Variants in PLEKHA3 observed in about 807,000 individuals in gnomAD.
The protein encoded by PLEKHA3 is pleckstrin homology domain containing A3, also known as pleckstrin homology domain-containing family A member 3.
Under a neutral mutation model 39.2 loss-of-function variants are expected in PLEKHA3, and 19 were observed. The ratio of observed to expected loss-of-function variants is 0.48; its 90% CI spans 0.34 to 0.71. PLEKHA3 has a LOEUF of 0.71. Among genes scored for constraint, PLEKHA3 ranks in the 30% least tolerant of loss-of-function variants. PLEKHA3 has a pLI of 0.01. For missense variants in PLEKHA3, 253 were observed against 359.5 expected, an observed-to-expected ratio of 0.70 and a Z score of 2.40; for synonymous variants, 97 against 118.6, an observed-to-expected ratio of 0.82 and a Z score of 1.18.
chr2:178,506,347 C>A lies in PLEKHA3; in HGVS notation c.*2460C>A, dbSNP rs1057078062. 1 of 152,112 alleles carries A rather than the reference C, an allele frequency of 6.6e-6. No individual in the cohort carries two copies. Among genetic ancestry groups the A allele is most frequent in the African/African-American group, 2.4e-5 (1 of 41,408 alleles). The allele number at this position is 152,112 out of a possible 1,614,324, so 9.4% of individuals were successfully genotyped here. On this transcript the variant is annotated 3_prime_UTR_variant, in exon 8 of 8. Coordinates refer to ENST00000234453, the MANE Select transcript of PLEKHA3 (RefSeq NM_019091.4). ...TGCTTGCTCACTATTCTTTGGGAATCGCAGGCCTCCATGACTAAAGGGATT... is the reference window on the plus strand; with the variant it reads ...TGCTTGCTCACTATTCTTTGGGAATAGCAGGCCTCCATGACTAAAGGGATT...
chr2:178,496,863 A>G (rs1017304227), intron 5 of PLEKHA3, among the ~76,000 whole-genome samples: 17 of 152,118 alleles, frequency 1.1e-4, no homozygotes, highest in South Asian at 2.1e-4. Context: ...GTGCCTGGCT[A>G]TGTTTTTTAA....
intron 3 of PLEKHA3, among the ~76,000 whole-genome samples, chr2:178,492,477 T>TG (rs1685364160): frequency 1.3e-5 from 1 of 77,100 alleles, no homozygotes; most frequent in Admixed American, 2.0e-4. Flanking sequence ...TCATGTGGGG[T>TG]GGGGGGAGGG....
rs1433916676 is a variant in PLEKHA3, at chr2:178,511,807, C to T, written c.*7920C>T. 6 of 152,272 alleles carry T rather than the reference C, an allele frequency of 3.9e-5. No homozygotes were observed. The East Asian group carries it at 9.6e-4, about 24-fold the overall frequency. 9.4% of individuals were successfully genotyped at this position (152,272 alleles called of 1,614,324 possible). On this transcript the variant is annotated 3_prime_UTR_variant, in exon 8 of 8. Transcript: ENST00000234453. ...TGCTGGGATTACAGGCGGGAGCCAC[C>T]GTGCCTGACCTGACCTCTCCATCTT... is the stretch of plus-strand genomic sequence containing the variant.
In PLEKHA3 at chr2:178,480,634, G is replaced by A; in HGVS notation, c.-236G>A. ...TGCCGTTGTCGCGGCCGCCGCCGCC[G>A]AGGCTTACCCGGGAATGTCTGGGCC... On this transcript the variant is annotated 5_prime_UTR_variant, in exon 1 of 8. Coordinates refer to ENST00000234453, the MANE Select transcript of PLEKHA3 (RefSeq NM_019091.4). 3.1e-6 allele frequency: 1 copy of A among 325,426 alleles called. No homozygotes were observed. The highest frequency in any genetic ancestry group is 5.0e-5 in the Admixed American group (1 of 20,088). The allele number at this position is 325,426 out of a possible 1,614,324, so 20.2% of individuals were successfully genotyped here.
chr2:178,482,132 A>G (rs1262281342), intron 1 of PLEKHA3, among the ~76,000 whole-genome samples: 2 of 152,360 alleles, frequency 1.3e-5, no homozygotes, highest in South Asian at 2.1e-4. Context: ...ATTTATTTCT[A>G]TAAGTGACAT....
rs1408707151 is a variant in PLEKHA3, at chr2:178,492,425, T to G, written c.314-1428T>G. On this transcript the variant is annotated intron_variant, in intron 3 of 7. Transcript: ENST00000234453. ...GCAAATTGTGACACATGCTACACTG[T>G]GGATGAACCTTATAGACATTACAAT... Among the ~76,000 whole-genome samples, 3 of 135,054 alleles carry G rather than the reference T, an allele frequency of 2.2e-5. No homozygotes were observed. The Admixed American group carries it at 2.7e-4, about 12-fold the overall frequency. 88.6% of individuals were successfully genotyped at this position (135,054 alleles called of 152,430 possible). A position where few individuals can be genotyped will look rare whatever the true frequency, so the allele number is the denominator to read the frequency against.
intron 6 of PLEKHA3, among the ~76,000 whole-genome samples, chr2:178,499,631 G>A (rs902901087): frequency 6.6e-6 from 1 of 151,942 alleles, no homozygotes; most frequent in South Asian, 2.1e-4. Context: ...CCATGTTTAG[G>A]TATGTTTAGA....
rs1685601713 is a variant in PLEKHA3 at position 178,506,473 on chromosome 2, A to T, written c.*2586A>T. ...CAGGAAAAATCCAGAAATGGATGCT[A>T]TTGCTTAAACTTAAATTCCAAGGCA... On this transcript the variant is annotated 3_prime_UTR_variant, in exon 8 of 8. Transcript: ENST00000234453. 1 of 152,200 alleles carries T rather than the reference A, an allele frequency of 6.6e-6. No homozygotes were observed. Among genetic ancestry groups the T allele is most frequent in the African/African-American group, 2.4e-5 (1 of 41,456 alleles). The allele number at this position is 152,200 out of a possible 1,614,324, so 9.4% of individuals were successfully genotyped here.
Position 178,514,688 on chromosome 2 carries a change from T to TTTC in PLEKHA3, c.*10802_*10803insTCT, listed in dbSNP as rs1411603793. 1 of 152,082 alleles carries TTTC rather than the reference T, an allele frequency of 6.6e-6. No individual in the cohort carries two copies. Among genetic ancestry groups the TTTC allele is most frequent in the East Asian group, 1.9e-4 (1 of 5,198 alleles). 9.4% of individuals were successfully genotyped at this position (152,082 alleles called of 1,614,324 possible). The stretch of plus-strand genomic sequence containing the variant: ...AAGTGCCAATATTCTTTTTTTTTTT[T>TTTC]TCTCTAAGAAGTACTAGTTTAGGTA... On this transcript the variant is annotated 3_prime_UTR_variant, in exon 8 of 8. Coordinates refer to ENST00000234453, the MANE Select transcript of PLEKHA3 (RefSeq NM_019091.4).
chr2:178,501,366 C>T (rs2303537), intron 7 of PLEKHA3, among the ~76,000 whole-genome samples, 190 bp downstream of exon 7: 63,325 of 151,658 alleles, frequency 0.42, 15,262 homozygotes, highest in East Asian at 0.69. Context: ...AGGTTTGTTA[C>T]TAACTAAGGA....
chr2:178,493,809 A>G, intron 3 of PLEKHA3, 44 bp from the exon 4 acceptor site: 1 of 1,535,140 alleles, frequency 6.5e-7, no homozygotes, highest in Middle Eastern at 1.7e-4. Context: ...TGCTCAAAGA[A>G]TATGAAAATG....
rs1007337298 is a variant in PLEKHA3 at position 178,516,261 on chromosome 2, AT to A, written c.*12378del. 2.6e-5 allele frequency: 4 copies of A among 152,164 alleles called. No individual in the cohort carries two copies. The highest frequency in any genetic ancestry group is 9.6e-5 in the African/African-American group (4 of 41,454). The allele number at this position is 152,164 out of a possible 1,614,324, so 9.4% of individuals were successfully genotyped here. On this transcript the variant is annotated 3_prime_UTR_variant, in exon 8 of 8. Transcript: ENST00000234453. ...TTGATTGCTATAACTAAACACTTTAATTTTGAAAAAGTTTCAGAATAGAATT... is the reference window on the plus strand; with the variant it reads ...TTGATTGCTATAACTAAACACTTTAATTTGAAAAAGTTTCAGAATAGAATT...
At chr2:178,496,709 C>T (rs1452988258) in intron 5 of PLEKHA3, among the ~76,000 whole-genome samples, 6 of 151,762 alleles carry the variant, frequency 4.0e-5, no homozygotes, top group Non-Finnish European at 7.4e-5. Flanking sequence ...AGCCTTTTTA[C>T]TTATTTATTT....
intron 3 of PLEKHA3, among the ~76,000 whole-genome samples, chr2:178,491,462 G>A (rs554846789): frequency 6.6e-6 from 1 of 152,326 alleles, no homozygotes; most frequent in East Asian, 1.9e-4. Flanking sequence ...CTTAGGAAAG[G>A]TATGTAAGAA....
chr2:178,496,751 G>A (rs1030344892), intron 5 of PLEKHA3, among the ~76,000 whole-genome samples: 1 of 152,072 alleles, frequency 6.6e-6, no homozygotes, highest in Non-Finnish European at 1.5e-5. Context: ...GTCTCACTCT[G>A]TTACCCAGGC....
chr2:178,492,742 G>T (rs1685371677), intron 3 of PLEKHA3, among the ~76,000 whole-genome samples: 2 of 152,122 alleles, frequency 1.3e-5, no homozygotes, highest in Non-Finnish European at 2.9e-5. Flanking sequence ...TGGTTTCCAG[G>T]GCCCAGGGGG....
rs1217735296 is a variant in PLEKHA3, at chr2:178,481,050, C to T, written c.40+141C>T. The T allele has an allele frequency of 5.3e-5, 39 of 730,650 alleles. No individual in the cohort carries two copies. In the East Asian group the frequency reaches 6.7e-4, roughly 13 times the overall value. The allele number at this position is 730,650 out of a possible 1,614,324, so 45.3% of individuals were successfully genotyped here. ...TACTCGATTCCAGGGCTTGTTGAGT[C>T]CTTCTGGCCTCTTCAGGGGAGGGTT... On this transcript the variant is annotated intron_variant, in intron 1 of 7. Coordinates refer to ENST00000234453, the MANE Select transcript of PLEKHA3 (RefSeq NM_019091.4).
rs1390575711 is a variant in PLEKHA3, at chr2:178,480,760, C to G, written c.-110C>G. 1.5e-5 allele frequency: 15 copies of G among 971,652 alleles called. No individual in the cohort carries two copies. Among genetic ancestry groups the G allele is most frequent in the Non-Finnish European group, 2.0e-5 (15 of 740,624 alleles). 60.2% of individuals were successfully genotyped at this position (971,652 alleles called of 1,614,324 possible). On this transcript the variant is annotated 5_prime_UTR_variant, in exon 1 of 8. Coordinates refer to ENST00000234453, the MANE Select transcript of PLEKHA3 (RefSeq NM_019091.4). ...GCGCAGGCAGAAAGCGGCTTCGTGCCGGCGGAGGGGGCCCGGGCGGGCCGG... is the reference window on the plus strand; with the variant it reads ...GCGCAGGCAGAAAGCGGCTTCGTGCGGGCGGAGGGGGCCCGGGCGGGCCGG...
rs1685699910 is a variant in PLEKHA3, at chr2:178,512,253, G to A, written c.*8366G>A. On this transcript the variant is annotated 3_prime_UTR_variant, in exon 8 of 8. Coordinates refer to ENST00000234453, the MANE Select transcript of PLEKHA3 (RefSeq NM_019091.4). ...TGTATCCACAAAACCTAGAATATAT[G>A]ACAGGGTGGATTCAGTTTTGCTTAG... is the stretch of plus-strand genomic sequence containing the variant. 6.6e-6 allele frequency: 1 copy of A among 152,158 alleles called. No homozygotes were observed. The allele number at this position is 152,158 out of a possible 1,614,324, so 9.4% of individuals were successfully genotyped here.
Sources: gnomAD v4.1 joint callset for allele counts (sites outside exome capture counted in the v4.1 genomes callset) on GRCh38, gnomAD v4.1.1 for gene constraint, MANE v1.5 for transcripts, NCBI Gene and HGNC (gene_info 2026-07-23, HGNC 2026-07-21) for gene names.